The following PPP3CA variants were observed in gnomAD, a reference collection of about 807,000 sequenced individuals.
PPP3CA encodes the protein protein phosphatase 3 catalytic subunit alpha.
A neutral mutation model predicts 66.5 loss-of-function variants in PPP3CA; 14 were observed. The ratio of observed to expected loss-of-function variants is 0.21; its 90% CI spans 0.14 to 0.33. The LOEUF (loss-of-function observed/expected upper bound fraction) is 0.33, where lower values mean the gene tolerates loss of function less well. Among genes scored for constraint, PPP3CA ranks in the 10% least tolerant of loss-of-function variants. PPP3CA has a pLI of 1.00. For synonymous variants in PPP3CA, 232 were observed against 226.2 expected, an observed-to-expected ratio of 1.03 and a Z score of -0.23; for missense variants, 317 against 639.5, an observed-to-expected ratio of 0.50 and a Z score of 5.44.
At chr4:101,060,390 A>G (rs1728409864) in intron 10 of PPP3CA, among the ~76,000 whole-genome samples, 1 of 152,074 alleles carries the variant, frequency 6.6e-6, no homozygotes, top group Non-Finnish European at 1.5e-5. Flanking sequence ...AATGCAGTAA[A>G]GTTTGCTCTT....
intron 6 of PPP3CA, among the ~76,000 whole-genome samples, chr4:101,090,641 C>CAAAAAAAAAAAAAA (rs1218660976): frequency 1.5e-5 from 1 of 65,666 alleles, no homozygotes. Context: ...GACTCTGTCT[C>CAAAAAAAAAAAAAA]AAAAAAAAAA....
At chr4:101,278,136 A>AAATAAAT (rs1553937789) in intron 1 of PPP3CA, among the ~76,000 whole-genome samples, 5 of 145,838 alleles carry the variant, frequency 3.4e-5, no homozygotes, top group African/African-American at 1.4e-4. Context: ...AAAAAAAAAA[A>AAATAAAT]AAATAAAAAA....
intron 2 of PPP3CA, among the ~76,000 whole-genome samples, chr4:101,184,191 G>A (rs1198321507): frequency 6.6e-6 from 1 of 152,180 alleles, no homozygotes; most frequent in African/African-American, 2.4e-5. Flanking sequence ...ATGCTCGTTA[G>A]TTGTGATACA....
intron 13 of PPP3CA, among the ~76,000 whole-genome samples, chr4:101,026,768 T>C (rs1726673131): frequency 6.6e-6 from 1 of 151,794 alleles, no homozygotes; most frequent in African/African-American, 2.4e-5. Context: ...TAGGTAGAAA[T>C]GTATCGTCTG....
intron 12 of PPP3CA, 144 bp downstream of exon 12, chr4:101,032,123 C>CTGA (rs1553920367): frequency 3.7e-6 from 2 of 535,968 alleles, no homozygotes; most frequent in South Asian, 3.8e-5. Context: ...ACTGATCAAA[C>CTGA]TGATTGGGGT....
At chr4:101,042,813 T>C (rs1463466828) in intron 10 of PPP3CA, among the ~76,000 whole-genome samples, 2 of 151,542 alleles carry the variant, frequency 1.3e-5, no homozygotes, top group Admixed American at 6.6e-5. Context: ...CTTTTTTTTT[T>C]TTTTTTTTTA....
intron 1 of PPP3CA, among the ~76,000 whole-genome samples, chr4:101,282,456 C>A (rs1727715951): frequency 6.6e-6 from 1 of 152,164 alleles, no homozygotes; most frequent in African/African-American, 2.4e-5. Flanking sequence ...GTCCTGAATT[C>A]CACTGGCCTG....
At chr4:101,293,062 G>A (rs954371355) in intron 1 of PPP3CA, among the ~76,000 whole-genome samples, 2 of 152,180 alleles carry the variant, frequency 1.3e-5, no homozygotes, top group Non-Finnish European at 2.9e-5. Context: ...TTAGTGTTAC[G>A]GTCAGAGAAT....
intron 2 of PPP3CA, among the ~76,000 whole-genome samples, chr4:101,152,864 C>T (rs1269383700): frequency 6.6e-6 from 1 of 151,740 alleles, no homozygotes; most frequent in African/African-American, 2.4e-5. Flanking sequence ...ACTAGTCTCA[C>T]TAAAAAAAAG....
chr4:101,070,042 G>C (rs1003298005), intron 8 of PPP3CA, among the ~76,000 whole-genome samples: 1 of 152,058 alleles, frequency 6.6e-6, no homozygotes, highest in African/African-American at 2.4e-5. Flanking sequence ...TGTTGCTCCG[G>C]GGTCAATTCT....
At chr4:101,067,556 T>C (rs1179388716) in intron 8 of PPP3CA, among the ~76,000 whole-genome samples, 6 of 150,012 alleles carry the variant, frequency 4.0e-5, no homozygotes, top group African/African-American at 1.5e-4. Flanking sequence ...AAAAAACAAC[T>C]AGTATTTCAT....
chr4:101,216,520 G>T (rs889342565), intron 1 of PPP3CA, among the ~76,000 whole-genome samples: 2 of 151,996 alleles, frequency 1.3e-5, no homozygotes, highest in Admixed American at 1.3e-4. Context: ...ATGGCCTGTA[G>T]ATTATAAAAC....
chr4:101,120,296 G>T (rs1721985734), intron 2 of PPP3CA, among the ~76,000 whole-genome samples: 1 of 152,062 alleles, frequency 6.6e-6, no homozygotes, highest in African/African-American at 2.4e-5. Context: ...TTTCACTTGT[G>T]CTGCATTATA....
At chr4:101,147,660 A>G (rs1317238377) in intron 2 of PPP3CA, among the ~76,000 whole-genome samples, 1 of 152,030 alleles carries the variant, frequency 6.6e-6, no homozygotes, top group South Asian at 2.1e-4. Context: ...ATTTGCTACA[A>G]TTGCTAATTT....
intron 2 of PPP3CA, among the ~76,000 whole-genome samples, chr4:101,129,097 C>T (rs1462986446): frequency 2.0e-5 from 3 of 152,160 alleles, no homozygotes; most frequent in Non-Finnish European, 4.4e-5. Context: ...CTTGAGTAGG[C>T]AGTTTTCCCC....
chr4:101,317,080 CCTAT>C (rs577510692), intron 1 of PPP3CA, among the ~76,000 whole-genome samples: 6 of 152,000 alleles, frequency 3.9e-5, no homozygotes, highest in Non-Finnish European at 8.8e-5. Context: ...ACTTCACTCT[CCTAT>C]CTATCTCCTC....
intron 1 of PPP3CA, among the ~76,000 whole-genome samples, chr4:101,273,095 A>G (rs1227624048): frequency 6.6e-6 from 1 of 150,834 alleles, no homozygotes; most frequent in Non-Finnish European, 1.5e-5. Context: ...AATTTTCATT[A>G]TTGATCCTCC....
chr4:101,182,529 CG>C (rs1724273099), intron 2 of PPP3CA, among the ~76,000 whole-genome samples: 2 of 152,164 alleles, frequency 1.3e-5, no homozygotes, highest in African/African-American at 4.8e-5. Context: ...TCAAATTACT[CG>C]GATGTATCTC....
intron 1 of PPP3CA, among the ~76,000 whole-genome samples, chr4:101,197,450 A>G (rs1400119569): frequency 1.3e-5 from 2 of 152,188 alleles, no homozygotes; most frequent in Non-Finnish European, 2.9e-5. Context: ...TTGGTGGCTG[A>G]GCAGGAGGCT....
Sources: allele counts gnomAD v4.1 joint callset (sites outside exome capture counted in the v4.1 genomes callset), GRCh38; gene constraint gnomAD v4.1.1; transcripts MANE v1.5; gene names NCBI Gene and HGNC (gene_info 2026-07-23, HGNC 2026-07-21).